The following USP4 variants were observed in gnomAD, a reference collection of about 807,000 sequenced individuals.
The protein encoded by USP4 is ubiquitin carboxyl-terminal hydrolase 4.
USP4 carries 72 observed loss-of-function variants against 118.2 expected under a neutral mutation model. The observed-to-expected ratio is 0.61, with a 90% CI of 0.50 to 0.74. USP4 has a LOEUF of 0.74. Among genes scored for constraint, USP4 ranks in the 30% least tolerant of loss-of-function variants. The probability of loss-of-function intolerance (pLI) is 0.00; values close to 1 mark genes in which losing one functional copy is unlikely to be tolerated. For missense variants in USP4, 1,037 were observed against 1,185.7 expected, an observed-to-expected ratio of 0.87 and a Z score of 1.84; for synonymous variants, 415 against 440.4, an observed-to-expected ratio of 0.94 and a Z score of 0.72.
intron 2 of USP4, among the ~76,000 whole-genome samples, chr3:49,329,390 A>ATT (rs2047590437): frequency 6.6e-6 from 1 of 151,826 alleles, no homozygotes; most frequent in Non-Finnish European, 1.5e-5. Flanking sequence ...AATCATGAAT[A>ATT]TTTTTGTGTG....
intron 9 of USP4, among the ~76,000 whole-genome samples, chr3:49,303,145 T>G (rs2047277692): frequency 6.6e-6 from 1 of 152,028 alleles, no homozygotes; most frequent in Admixed American, 6.6e-5. Context: ...TTGTGATGCA[T>G]CCTATGGAGA....
intron 13 of USP4, among the ~76,000 whole-genome samples, chr3:49,295,704 G>A (rs1036104332): frequency 2.9e-5 from 4 of 139,180 alleles, no homozygotes; most frequent in Admixed American, 6.8e-5. Context: ...GCACGTGTGC[G>A]CGCGCGCGCG....
intron 6 of USP4, among the ~76,000 whole-genome samples, chr3:49,319,949 G>C (rs1220686073): frequency 6.6e-6 from 1 of 151,916 alleles, no homozygotes; most frequent in African/African-American, 2.4e-5. Flanking sequence ...ACAAGCTCTT[G>C]CTCTGTCACC....
Position 49,286,208 on chromosome 3 carries a change from A to T in USP4, c.2090T>A (p.Ile697Asn). 2 of 1,614,000 alleles carry T rather than the reference A, an allele frequency of 1.2e-6. No homozygotes were observed. The highest frequency in any genetic ancestry group is 1.1e-5 in the South Asian group (1 of 91,076). ...CCTTTTTGGGCAGGGCTGGCCTTTG[A>T]TCTTCTTTTGGGTGGTCTCACTGGG... ...NDPSETTQKK[I>N]KGQPCPKRLF... The change falls in exon 16 of 22, where the codon ATC becomes AAC. Residue 697 changes from isoleucine (I) to asparagine (N), a missense_variant. Physicochemically the swap from Ile to Asn is moderately radical, Grantham distance 149. This residue lies in a region of USP4 where 522 missense variants were observed against 592.6 expected (regional missense o/e 0.88). Coordinates refer to ENST00000265560, the MANE Select transcript of USP4 (RefSeq NM_003363.4).
chr3:49,317,445 C>A lies in USP4; in HGVS notation c.696-5791G>T, dbSNP rs567934131. The A allele has an allele frequency of 2.3e-5, 19 of 838,702 alleles. No homozygotes were observed. The Middle Eastern group carries it at 6.5e-4, about 29-fold the overall frequency. The allele number at this position is 838,702 out of a possible 1,614,324, so 52.0% of individuals were successfully genotyped here. A position where few individuals can be genotyped will look rare whatever the true frequency, so the allele number is the denominator to read the frequency against. ...GCTTGTTGTCGTAGTTCTGCAGCGC[C>A]ATGCCCTGCTGGGTCAACATCTCCT... On this transcript the variant is annotated intron_variant, in intron 6 of 21. Transcript: ENST00000265560.
intron 15 of USP4, among the ~76,000 whole-genome samples, chr3:49,291,200 G>A (rs1344771413): frequency 2.7e-5 from 4 of 149,550 alleles, no homozygotes; most frequent in East Asian, 2.1e-4. Context: ...TCCTGACCTC[G>A]TGATCCACCC....
At chr3:49,323,672 A>G (rs1034288547) in intron 6 of USP4, among the ~76,000 whole-genome samples, 2 of 152,106 alleles carry the variant, frequency 1.3e-5, no homozygotes, top group Admixed American at 6.6e-5. Flanking sequence ...CATAGTTTTC[A>G]TGGTTCTCAA....
intron 8 of USP4, among the ~76,000 whole-genome samples, chr3:49,307,171 G>A (rs556744117): frequency 1.3e-5 from 2 of 152,284 alleles, no homozygotes; most frequent in South Asian, 4.1e-4. Flanking sequence ...CTGTAGGCCA[G>A]GTGTGGTAGT....
chr3:49,328,013 T>A (rs1052683301), intron 2 of USP4, among the ~76,000 whole-genome samples, 197 bp from the exon 3 acceptor site: 8 of 152,124 alleles, frequency 5.3e-5, no homozygotes, highest in African/African-American at 1.9e-4. Flanking sequence ...TCCATGAAGA[T>A]TTTATGAGGA....
intron 1 of USP4, among the ~76,000 whole-genome samples, chr3:49,339,219 C>T (rs1209804992): frequency 6.6e-6 from 1 of 152,140 alleles, no homozygotes; most frequent in Non-Finnish European, 1.5e-5. Context: ...TTTTTCTACT[C>T]CTACACAATT....
intron 6 of USP4, chr3:49,316,948 G>C (rs1053889233): frequency 3.2e-6 from 2 of 627,064 alleles, no homozygotes; most frequent in Non-Finnish European, 2.8e-6. Flanking sequence ...TGCCAGTGGA[G>C]GTTGGCAGCT....
chr3:49,296,020 T>C (rs998699228), intron 13 of USP4, among the ~76,000 whole-genome samples: 9 of 152,236 alleles, frequency 5.9e-5, no homozygotes, highest in South Asian at 4.1e-4. Context: ...AGTAGCACAG[T>C]GTACAACACA....
intron 14 of USP4, among the ~76,000 whole-genome samples, chr3:49,293,231 G>T (rs1403642148): frequency 6.6e-6 from 1 of 151,876 alleles, no homozygotes; most frequent in Non-Finnish European, 1.5e-5. Context: ...ACAAAAGTTT[G>T]GCCAGGCACG....
At chr3:49,330,739 G>A (rs748851674) in intron 2 of USP4, among the ~76,000 whole-genome samples, 20 of 151,794 alleles carry the variant, frequency 1.3e-4, no homozygotes, top group South Asian at 1.0e-3. Context: ...GGCCGGGCGC[G>A]GTGGCTCCCA....
At chr3:49,319,544 C>A (rs868014099) in intron 6 of USP4, among the ~76,000 whole-genome samples, 10 of 151,344 alleles carry the variant, frequency 6.6e-5, no homozygotes, top group Middle Eastern at 3.4e-3. Context: ...GCCACTATTT[C>A]CATTCCCTCA....
chr3:49,318,409 C>T (rs146470934), intron 6 of USP4: 18 of 985,526 alleles, frequency 1.8e-5, no homozygotes, highest in Non-Finnish European at 2.0e-5. Flanking sequence ...TGGCTCTGGG[C>T]TGGCAACCTT....
chr3:49,328,189 C>A (rs2047577198), intron 2 of USP4, among the ~76,000 whole-genome samples: 1 of 151,380 alleles, frequency 6.6e-6, no homozygotes, highest in African/African-American at 2.4e-5. Context: ...GAAACCCCGT[C>A]TCTACTAAAA....
At chr3:49,334,100 C>T (rs1012311907) in intron 2 of USP4, among the ~76,000 whole-genome samples, 6 of 151,988 alleles carry the variant, frequency 3.9e-5, no homozygotes, top group African/African-American at 1.5e-4. Flanking sequence ...TGAGAATTAC[C>T]AAAATGTGGT....
In USP4 at chr3:49,305,958, TC is replaced by T. The variant is rs2047310344; in HGVS notation, c.955-71del. 2.1e-6 allele frequency: 3 copies of T among 1,446,078 alleles called. No individual in the cohort carries two copies. The Admixed American group carries it at 7.7e-5, about 37-fold the overall frequency. 89.6% of individuals were successfully genotyped at this position (1,446,078 alleles called of 1,614,324 possible). A position where few individuals can be genotyped will look rare whatever the true frequency, so the allele number is the denominator to read the frequency against. ...ACCAGAGATACAAGATAAATCAAGT[TC>T]TAAAGGGTCACTGAGGGACAACGCC... On this transcript the variant is annotated intron_variant, in intron 8 of 21. Coordinates refer to ENST00000265560, the MANE Select transcript of USP4 (RefSeq NM_003363.4).
Sources: allele counts gnomAD v4.1 joint callset (sites outside exome capture counted in the v4.1 genomes callset), GRCh38; gene constraint gnomAD v4.1.1; regional missense constraint gnomAD v4.1.1; transcripts MANE v1.5; gene names NCBI Gene and HGNC (gene_info 2026-07-23, HGNC 2026-07-21).